The following HDAC4 variants were observed in gnomAD, a reference collection of about 807,000 sequenced individuals.
HDAC4 encodes the protein histone deacetylase 4, also known as histone deacetylase A.
Under a neutral mutation model 135.1 loss-of-function variants are expected in HDAC4, and 16 were observed. That is an observed-to-expected ratio of 0.12 (90% CI 0.08 to 0.18). The LOEUF (loss-of-function observed/expected upper bound fraction) is 0.18, where lower values mean the gene tolerates loss of function less well. HDAC4 is among the 10% of genes least tolerant of loss of function. HDAC4 has a pLI of 1.00. For synonymous variants in HDAC4, 685 were observed against 653.4 expected (o/e 1.05, Z -0.74); for missense variants, 1,143 against 1,511.8 (o/e 0.76, Z 4.05).
intron 7 of HDAC4, among the ~76,000 whole-genome samples, chr2:239,147,014 T>C (rs1474732190): frequency 1.3e-5 from 2 of 152,192 alleles, no homozygotes; most frequent in African/African-American, 4.8e-5. Flanking sequence ...AGGGACAGCA[T>C]GGCATGAGGC....
intron 3 of HDAC4, among the ~76,000 whole-genome samples, chr2:239,195,565 G>A (rs1452162985): frequency 6.6e-6 from 1 of 152,194 alleles, no homozygotes; most frequent in Non-Finnish European, 1.5e-5. Context: ...CGTGACTTGT[G>A]CTATTTCTGT....
intron 6 of HDAC4, among the ~76,000 whole-genome samples, chr2:239,160,415 A>G (rs1395460404): frequency 6.6e-6 from 1 of 152,204 alleles, no homozygotes; most frequent in African/African-American, 2.4e-5. Context: ...TTGTCTCAAC[A>G]GTCTTAAAGC....
chr2:239,178,146 TGAGGAGCTCTGCCACCTGCCTGCCTGGGA>T (rs2043892426), intron 4 of HDAC4, among the ~76,000 whole-genome samples: 1 of 152,180 alleles, frequency 6.6e-6, no homozygotes, highest in African/African-American at 2.4e-5. Context: ...TCCACAGGTG[TGAGGAGCTCTGCCACCTGCCTGCCTGGGA>T]GAGCCTCTCT....
In HDAC4 at chr2:239,382,385, T is replaced by A. The variant is rs573113060; in HGVS notation, c.-220+18593A>T. On this transcript the variant is annotated intron_variant, in intron 1 of 26. Transcript: ENST00000543185. ...TTTCCCAATTACAGCAACTGCTTAT[T>A]TGTATTGCTGATCTATTCTACCAAT... is the stretch of plus-strand genomic sequence containing the variant. Among the ~76,000 whole-genome samples, 40 of 152,404 alleles carry A rather than the reference T, an allele frequency of 2.6e-4. No individual in the cohort carries two copies. In the South Asian group the frequency reaches 5.6e-3, roughly 21 times the overall value.
chr2:239,063,964 A>G (rs942326933), intron 24 of HDAC4, among the ~76,000 whole-genome samples: 4 of 152,200 alleles, frequency 2.6e-5, no homozygotes, highest in African/African-American at 7.2e-5. Flanking sequence ...GCGGCTGCGC[A>G]TGGTCACCGG....
At chr2:239,055,005 A>T (rs201194833) in intron 24 of HDAC4, among the ~76,000 whole-genome samples, 172 bp from the exon 25 acceptor site, 8 of 117,832 alleles carry the variant, frequency 6.8e-5, no homozygotes, top group Admixed American at 3.9e-4. Context: ...TGGTATTTAT[A>T]ATTTTTTTGT....
chr2:239,267,451 C>A (rs1033616218), intron 2 of HDAC4, among the ~76,000 whole-genome samples: 1 of 152,208 alleles, frequency 6.6e-6, no homozygotes, highest in Non-Finnish European at 1.5e-5. Context: ...CCAGATACAA[C>A]GGTGGACAGC....
At chr2:239,151,701 G>C (rs952329446) in intron 7 of HDAC4, among the ~76,000 whole-genome samples, 1 of 152,202 alleles carries the variant, frequency 6.6e-6, no homozygotes, top group Non-Finnish European at 1.5e-5. Context: ...AGCCCTACCA[G>C]GCAGGCTAGA....
At chr2:239,298,130 T>G (rs925486360) in intron 2 of HDAC4, 1 of 1,122,132 alleles carries the variant, frequency 8.9e-7, no homozygotes, top group South Asian at 1.3e-5. Context: ...GACTAAAACA[T>G]AAACAAGAAA....
rs182907736 is a variant in HDAC4 at position 239,065,796 on chromosome 2, G to A, written c.3003+926C>T. ...CCCACGTGCCAGCTGGCTGTTCTCCGGACCTGCACTGGACACCCAGCGCAG... is the reference window on the plus strand; with the variant it reads ...CCCACGTGCCAGCTGGCTGTTCTCCAGACCTGCACTGGACACCCAGCGCAG... On this transcript the variant is annotated intron_variant, in intron 24 of 26. Coordinates refer to ENST00000543185, the MANE Select transcript of HDAC4 (RefSeq NM_001378414.1). Among the ~76,000 whole-genome samples, 15 of 152,324 alleles carry A rather than the reference G, an allele frequency of 9.8e-5. No individual in the cohort carries two copies. The South Asian group carries it at 2.7e-3, about 27-fold the overall frequency.
chr2:239,105,363 C>T (rs1056117990), intron 15 of HDAC4, among the ~76,000 whole-genome samples: 30 of 152,298 alleles, frequency 2.0e-4, no homozygotes, highest in African/African-American at 7.2e-4. Context: ...TTCTGGCTCC[C>T]GGGAAGCCTC....
intron 11 of HDAC4, among the ~76,000 whole-genome samples, chr2:239,130,778 G>T (rs2040522005): frequency 6.6e-6 from 1 of 152,204 alleles, no homozygotes; most frequent in Admixed American, 6.5e-5. Context: ...GTACTACCAA[G>T]CTCCTCCTGG....
intron 1 of HDAC4, among the ~76,000 whole-genome samples, chr2:239,398,840 C>T (rs181795512): frequency 6.6e-6 from 1 of 152,220 alleles, no homozygotes; most frequent in Non-Finnish European, 1.5e-5. Context: ...AGGGCTCCCC[C>T]GGGGGCATGC....
chr2:239,334,106 T>C (rs577653827), intron 2 of HDAC4, among the ~76,000 whole-genome samples: 5 of 152,162 alleles, frequency 3.3e-5, no homozygotes, highest in Admixed American at 1.3e-4. Flanking sequence ...TAATAAACAC[T>C]GTGCGAGGTA....
At chr2:239,085,792 C>T (rs1339804007) in intron 19 of HDAC4, 1 of 148,814 alleles carries the variant, frequency 6.7e-6, no homozygotes, top group African/African-American at 2.5e-5. Context: ...ATGAAGGAGA[C>T]TCTGCTCTAA....
At position 239,263,345 on chromosome 2, in the gene HDAC4, C is replaced by T. The variant is rs563756666; in HGVS notation, c.23-26681G>A. On this transcript the variant is annotated intron_variant, in intron 2 of 26. Coordinates refer to ENST00000543185, the MANE Select transcript of HDAC4 (RefSeq NM_001378414.1). ...CCCCCGCCCATCCCAGCCCCTTGCA[C>T]ATCAGCCGCCCCGAAGCCCGCCCAG... Among the ~76,000 whole-genome samples, 163 of 143,592 alleles carry T rather than the reference C, an allele frequency of 1.1e-3. 1 individual carries two copies. The highest frequency in any genetic ancestry group is 1.8e-3 in the Non-Finnish European group (120 of 66,534). The allele number at this position is 143,592 out of a possible 152,430, so 94.2% of individuals were successfully genotyped here. A position where few individuals can be genotyped will look rare whatever the true frequency, so the allele number is the denominator to read the frequency against.
intron 3 of HDAC4, among the ~76,000 whole-genome samples, chr2:239,199,079 G>GAT (rs2045587466): frequency 6.7e-6 from 1 of 148,398 alleles, no homozygotes; most frequent in South Asian, 2.2e-4. Context: ...TATCTTTTAA[G>GAT]ACCCCTTCCC....
At chr2:239,129,609 T>C (rs904202938) in intron 11 of HDAC4, among the ~76,000 whole-genome samples, 2 of 152,148 alleles carry the variant, frequency 1.3e-5, no homozygotes, top group African/African-American at 4.8e-5. Flanking sequence ...CAGCTGACCC[T>C]GGCTCCTGAG....
intron 2 of HDAC4, among the ~76,000 whole-genome samples, chr2:239,287,075 C>T (rs373046515): frequency 6.6e-6 from 1 of 152,110 alleles, no homozygotes; most frequent in African/African-American, 2.4e-5. Flanking sequence ...GGGGACCTCT[C>T]GGACAATACG....
Sources: gnomAD v4.1 joint callset for allele counts (sites outside exome capture counted in the v4.1 genomes callset) on GRCh38, gnomAD v4.1.1 for gene constraint, MANE v1.5 for transcripts, NCBI Gene and HGNC (gene_info 2026-07-23, HGNC 2026-07-21) for gene names.